Variants in DNAH11 observed in about 807,000 individuals in gnomAD.
DNAH11 encodes the protein axonemal beta dynein heavy chain 11.
DNAH11 carries 442 observed loss-of-function variants against 526.0 expected under a neutral mutation model. The observed-to-expected ratio is 0.84, with a 90% CI of 0.78 to 0.91. The LOEUF is 0.91. Among genes scored for constraint, DNAH11 ranks in the 40% least tolerant of loss-of-function variants. The pLI is 0.00. For synonymous variants in DNAH11, 2,461 were observed against 1,935.9 expected, an observed-to-expected ratio of 1.27 and a Z score of -7.12; for missense variants, 6,989 against 5,448.7, an observed-to-expected ratio of 1.28 and a Z score of -8.90.
intron 28 of DNAH11, among the ~76,000 whole-genome samples, chr7:21,639,369 G>A (rs551998946): frequency 1.3e-5 from 2 of 152,294 alleles, no homozygotes; most frequent in Non-Finnish European, 2.9e-5. Flanking sequence ...CAAGAACTGG[G>A]ACATCCATTG....
chr7:21,797,486 T>C (rs951875572), intron 61 of DNAH11, among the ~76,000 whole-genome samples: 1 of 149,328 alleles, frequency 6.7e-6, no homozygotes, highest in Non-Finnish European at 1.5e-5. Flanking sequence ...CCCAAAATGC[T>C]GGGATTAGAG....
intron 70 of DNAH11, among the ~76,000 whole-genome samples, chr7:21,865,323 C>CT (rs1228998391): frequency 6.6e-6 from 1 of 152,096 alleles, no homozygotes; most frequent in African/African-American, 2.4e-5. Context: ...ATATGTTCAG[C>CT]TTTTTAAAGT....
intron 68 of DNAH11, among the ~76,000 whole-genome samples, chr7:21,855,510 T>G (rs974844631): frequency 1.3e-5 from 2 of 152,228 alleles, no homozygotes; most frequent in South Asian, 4.1e-4. Flanking sequence ...TTATCCCTAT[T>G]ACATCTCAAT....
chr7:21,720,248 G>T (rs1784822691), intron 43 of DNAH11, among the ~76,000 whole-genome samples: 1 of 152,182 alleles, frequency 6.6e-6, no homozygotes, highest in African/African-American at 2.4e-5. Flanking sequence ...TGTCCAACAA[G>T]AAGGAAATAG....
At chr7:21,604,932 G>T (rs574865028) in intron 18 of DNAH11, among the ~76,000 whole-genome samples, 2 of 152,180 alleles carry the variant, frequency 1.3e-5, no homozygotes, top group Admixed American at 6.5e-5. Context: ...AGGACAAAGG[G>T]GTTTAAAGCC....
rs779724592 is a variant in DNAH11 at position 21,616,268 on chromosome 7, T to C, written c.4071T>C (p.Asp1357=). ...GACAGATTCATGTGGAACAGATGGA[T>C]GTAGAACTCAGAAGGTTTGCCAAGG... The part of the protein sequence containing the change: ...QWRQIHVEQM[D]VELRRFAKEI... Residue 1357 remains aspartate, a synonymous_variant, in exon 22 of 82, where the codon GAT becomes GAC. Transcript: ENST00000409508. The C allele has an allele frequency of 9.3e-6, 15 of 1,613,182 alleles. No individual in the cohort carries two copies. The highest frequency in any genetic ancestry group is 1.7e-4 in the Middle Eastern group (1 of 6,060).
At chr7:21,716,437 A>G (rs75602313) in intron 42 of DNAH11, among the ~76,000 whole-genome samples, 5,607 of 152,248 alleles carry the variant, frequency 0.037, 344 homozygotes, top group African/African-American at 0.13. Flanking sequence ...TACCCTCTCC[A>G]TTTACAGAGG....
rs1364384162 is a variant in DNAH11, at chr7:21,591,481, A to G, written c.2571A>G (p.Arg857=). The change falls in exon 14 of 82, where the codon CGA becomes CGG. Residue 857 remains arginine (R), a synonymous_variant. Transcript: ENST00000409508. ...TACCTCCCAGGAGAGAGCACAGACG[A>G]GAGGCAGCCTTCACCTTGGAGGACA... The part of the protein sequence containing the change: ...CVLPPRREHR[R]EAAFTLEDKG... 1.2e-6 allele frequency: 2 copies of G among 1,613,328 alleles called. No individual in the cohort carries two copies. The highest frequency in any genetic ancestry group is 1.7e-6 in the Non-Finnish European group (2 of 1,179,446).
intron 56 of DNAH11, among the ~76,000 whole-genome samples, chr7:21,775,780 C>A (rs563450360): frequency 6.6e-6 from 1 of 152,176 alleles, no homozygotes; most frequent in South Asian, 2.1e-4. Context: ...CCCTGGAGTC[C>A]TGTTGGGCTA....
chr7:21,722,445 G>A (rs774422902), intron 44 of DNAH11, among the ~76,000 whole-genome samples: 2 of 152,126 alleles, frequency 1.3e-5, no homozygotes, highest in African/African-American at 2.4e-5. Context: ...ACATTGAAAG[G>A]CATCGCAGCC....
intron 56 of DNAH11, among the ~76,000 whole-genome samples, chr7:21,777,923 G>A (rs1289179872): frequency 6.6e-6 from 1 of 152,140 alleles, no homozygotes; most frequent in African/African-American, 2.4e-5. Context: ...CCACTGAAAT[G>A]TCTTTAGCAT....
chr7:21,596,180 T>C (rs558956918), intron 14 of DNAH11, among the ~76,000 whole-genome samples: 1 of 152,230 alleles, frequency 6.6e-6, no homozygotes, highest in Non-Finnish European at 1.5e-5. Context: ...TCTGTCTTCT[T>C]TGAGTACTGC....
intron 68 of DNAH11, among the ~76,000 whole-genome samples, chr7:21,855,193 G>C (rs1395790719): frequency 6.6e-6 from 1 of 151,968 alleles, no homozygotes; most frequent in East Asian, 1.9e-4. Flanking sequence ...CACCACACCT[G>C]GCTAATTTTT....
At chr7:21,720,497 GT>G (rs1562508250) in intron 43 of DNAH11, among the ~76,000 whole-genome samples, 1 of 146,166 alleles carries the variant, frequency 6.8e-6, no homozygotes, top group Non-Finnish European at 1.5e-5. Flanking sequence ...TTAAAATTTT[GT>G]TTTTAAAAAA....
chr7:21,629,271 C>G (rs1018783508), intron 25 of DNAH11, among the ~76,000 whole-genome samples: 1 of 152,052 alleles, frequency 6.6e-6, no homozygotes, highest in Admixed American at 6.5e-5. Flanking sequence ...AGAAAAGGTA[C>G]TCGATATGAT....
chr7:21,734,231 A>G (rs1448891651), intron 45 of DNAH11, among the ~76,000 whole-genome samples: 1 of 151,974 alleles, frequency 6.6e-6, no homozygotes, highest in Non-Finnish European at 1.5e-5. Context: ...AAAAATAACA[A>G]CTCTCTTTAT....
chr7:21,754,133 T>C (rs1340470550), intron 54 of DNAH11, among the ~76,000 whole-genome samples: 2 of 152,180 alleles, frequency 1.3e-5, no homozygotes, highest in African/African-American at 4.8e-5. Flanking sequence ...CATTGGTAAA[T>C]ATTACAGAAC....
At chr7:21,733,942 T>G (rs575702607) in intron 45 of DNAH11, among the ~76,000 whole-genome samples, 22 of 152,232 alleles carry the variant, frequency 1.4e-4, no homozygotes, top group African/African-American at 5.1e-4. Context: ...TTGACTGGAA[T>G]TAAAGGAGTT....
At position 21,544,448 on chromosome 7, in the gene DNAH11, T is replaced by A. The variant is rs79048745; in HGVS notation, c.352-558T>A. On this transcript the variant is annotated intron_variant, in intron 1 of 81. Coordinates refer to ENST00000409508, the MANE Select transcript of DNAH11 (RefSeq NM_001277115.2). ...CTCCTAATTGTAACTTTAAAAAAAA[T>A]AAGTTTGTCAGTAGACAAGGCGATA... Among the ~76,000 whole-genome samples, 1,376 of 152,186 alleles carry A rather than the reference T, an allele frequency of 9.0e-3. 36 individuals are homozygous for A. The highest frequency in any genetic ancestry group is 0.045 in the East Asian group (232 of 5,184).
Sources: allele counts gnomAD v4.1 joint callset (sites outside exome capture counted in the v4.1 genomes callset), GRCh38; gene constraint gnomAD v4.1.1; transcripts MANE v1.5; gene names NCBI Gene and HGNC (gene_info 2026-07-23, HGNC 2026-07-21).